ARHGEF7: variants seen among roughly 807,000 people sequenced by gnomAD.
ARHGEF7 encodes PAK-interacting exchange factor beta.
A neutral mutation model predicts 109.8 loss-of-function variants in ARHGEF7; 33 were observed. The observed-to-expected ratio is 0.30, with a 90% confidence interval of 0.23 to 0.40. The LOEUF is 0.40. ARHGEF7 is among the 10% of genes least tolerant of loss of function. ARHGEF7 has a pLI of 1.00. For missense variants in ARHGEF7, 938 were observed against 1,098.5 expected (o/e 0.85, Z 2.07); for synonymous variants, 458 against 424.6 (o/e 1.08, Z -0.97).
At position 111,258,753 on chromosome 13, in the gene ARHGEF7, G is replaced by T. The variant is rs1473780361; in HGVS notation, c.951-8795G>T. 6.6e-6 allele frequency among the ~76,000 whole-genome samples: 1 copy of T among 152,166 alleles called. No homozygotes were observed. Among genetic ancestry groups the T allele is most frequent in the African/African-American group, 2.4e-5 (1 of 41,420 alleles). ...TAGGTATCTGCCCAGCCACAGTGAG[G>T]TGGAACATCAAGTGGGCTCTTGGGA... On this transcript the variant is annotated intron_variant, in intron 8 of 21. Coordinates refer to ENST00000646102, the MANE Select transcript of ARHGEF7 (RefSeq NM_001354046.2). This position sits in a 1 kb window ranked among gnomAD's most constrained non-coding sequence, Gnocchi z 4.4.
chr13:111,131,328 G>T lies in ARHGEF7; in HGVS notation c.165+15637G>T, dbSNP rs1024840769. On this transcript the variant is annotated intron_variant, in intron 1 of 21. Coordinates refer to ENST00000646102, the MANE Select transcript of ARHGEF7 (RefSeq NM_001354046.2). This position sits in a 1 kb window ranked among gnomAD's most constrained non-coding sequence, Gnocchi z 4.4. The stretch of plus-strand genomic sequence containing the variant: ...TCCTGGGTTTCTGGTTGCACAACAG[G>T]ATAGATGGGGCGGTCGCCTGTGCTG... Among the ~76,000 whole-genome samples, 1 of 152,056 alleles carries T rather than the reference G, an allele frequency of 6.6e-6. No homozygotes were observed. The highest frequency in any genetic ancestry group is 2.4e-5 in the African/African-American group (1 of 41,404).
intron 1 of ARHGEF7, among the ~76,000 whole-genome samples, chr13:111,129,847 C>T (rs2074647886): frequency 6.6e-6 from 1 of 152,168 alleles, no homozygotes; most frequent in South Asian, 2.1e-4. Flanking sequence ...ATACATCTAC[C>T]AAATGTTTCA....
intron 6 of ARHGEF7, 96 bp downstream of exon 6, chr13:111,233,389 G>T: frequency 2.0e-6 from 2 of 997,788 alleles, no homozygotes; most frequent in Non-Finnish European, 1.6e-6. Flanking sequence ...AGAATAGGAA[G>T]AAGGAAATAA....
intron 19 of ARHGEF7, chr13:111,295,200 G>A (rs1448129093): frequency 1.0e-6 from 1 of 985,590 alleles, no homozygotes; most frequent in Non-Finnish European, 1.2e-6. Context: ...CTAGCCCGTG[G>A]CTTTTAATAT....
At chr13:111,128,886 A>G (rs952557836) in intron 1 of ARHGEF7, among the ~76,000 whole-genome samples, 1 of 152,358 alleles carries the variant, frequency 6.6e-6, no homozygotes, top group East Asian at 1.9e-4. Flanking sequence ...AATGATTCTA[A>G]AGTGTCTATG....
rs1567063283 is a variant in ARHGEF7 at position 111,280,563 on chromosome 13, G to A, written c.1611G>A (p.Val537=). The stretch of plus-strand genomic sequence containing the variant: ...GGAGCATGATTGAGCGGATATTAGT[G>A]TCGTGCAACAACCAGCAGGATCTGC... ...ISGSMIERIL[V]SCNNQQDLQE... is the part of the protein sequence containing the mutation. The change falls in exon 15 of 22, where the codon GTG becomes GTA. Residue 537 remains valine (V), a synonymous_variant. Transcript: ENST00000646102. 2 of 1,610,318 alleles carry A rather than the reference G, an allele frequency of 1.2e-6. No homozygotes were observed. The highest frequency in any genetic ancestry group is 1.7e-6 in the Non-Finnish European group (2 of 1,178,632).
intron 2 of ARHGEF7, among the ~76,000 whole-genome samples, chr13:111,201,137 C>T (rs2081169469): frequency 6.6e-6 from 1 of 152,134 alleles, no homozygotes; most frequent in African/African-American, 2.4e-5. Flanking sequence ...TGTCCAAATC[C>T]CCATCGTCCC....
At chr13:111,220,196 G>A (rs2083648295) in intron 5 of ARHGEF7, among the ~76,000 whole-genome samples, 1 of 152,252 alleles carries the variant, frequency 6.6e-6, no homozygotes, top group South Asian at 2.1e-4. Context: ...GGTGGCGCCA[G>A]TGGACTTTCC....
chr13:111,147,349 T>G (rs1364243994), intron 1 of ARHGEF7, among the ~76,000 whole-genome samples: 1 of 152,220 alleles, frequency 6.6e-6, no homozygotes, highest in African/African-American at 2.4e-5. Context: ...TTGCCAACAC[T>G]TGATATATTG....
intron 1 of ARHGEF7, among the ~76,000 whole-genome samples, chr13:111,140,372 A>G (rs1462021438): frequency 6.6e-6 from 1 of 152,234 alleles, no homozygotes; most frequent in Non-Finnish European, 1.5e-5. Flanking sequence ...GCCAGCACCT[A>G]GGGCGGTGGT....
intron 1 of ARHGEF7, among the ~76,000 whole-genome samples, chr13:111,139,945 A>G (rs1481413643): frequency 6.6e-6 from 1 of 152,202 alleles, no homozygotes; most frequent in Non-Finnish European, 1.5e-5. Flanking sequence ...ACAATCTTTC[A>G]TTTGTCTCTC....
At chr13:111,215,671 C>T (rs2083039664) in intron 4 of ARHGEF7, among the ~76,000 whole-genome samples, 1 of 152,204 alleles carries the variant, frequency 6.6e-6, no homozygotes, top group African/African-American at 2.4e-5. Flanking sequence ...GTATGTTTTG[C>T]AGGTTGCAGA....
At chr13:111,187,424 G>T (rs535929451) in intron 2 of ARHGEF7, among the ~76,000 whole-genome samples, 2 of 152,328 alleles carry the variant, frequency 1.3e-5, no homozygotes, top group African/African-American at 4.8e-5. Flanking sequence ...AGGAAAGAGA[G>T]CGGAGAAAGC....
chr13:111,200,584 G>C (rs2081105645), intron 2 of ARHGEF7, among the ~76,000 whole-genome samples: 2 of 152,090 alleles, frequency 1.3e-5, no homozygotes. Flanking sequence ...CAGCTGTGTG[G>C]AGACTTATCC....
At chr13:111,155,765 TA>T (rs1566649599) in intron 2 of ARHGEF7, among the ~76,000 whole-genome samples, 1 of 152,214 alleles carries the variant, frequency 6.6e-6, no homozygotes, top group African/African-American at 2.4e-5. Flanking sequence ...TAAAACTTTT[TA>T]AAAAAGTTTT....
intron 2 of ARHGEF7, among the ~76,000 whole-genome samples, chr13:111,156,385 TA>T (rs1196617923): frequency 3.9e-5 from 6 of 152,220 alleles, no homozygotes; most frequent in Non-Finnish European, 7.3e-5. Flanking sequence ...TTTTAAAGAG[TA>T]AATATCTCTT....
At chr13:111,221,225 ATC>A (rs1314897555) in intron 5 of ARHGEF7, among the ~76,000 whole-genome samples, 2 of 58,880 alleles carry the variant, frequency 3.4e-5, no homozygotes, top group African/African-American at 1.6e-4. Context: ...GTCTATATAT[ATC>A]TATATAGATA....
chr13:111,138,502 C>T (rs1206135898), intron 1 of ARHGEF7, among the ~76,000 whole-genome samples: 2 of 152,062 alleles, frequency 1.3e-5, no homozygotes, highest in African/African-American at 4.8e-5. Context: ...CCAAAAAACA[C>T]AGCTGGGCGA....
chr13:111,250,973 G>C (rs1002963795), intron 8 of ARHGEF7, among the ~76,000 whole-genome samples: 8 of 152,184 alleles, frequency 5.3e-5, no homozygotes, highest in Admixed American at 3.3e-4. Flanking sequence ...TCTAATGTAG[G>C]CTCTGTTAGG....
Sources: allele counts gnomAD v4.1 joint callset (sites outside exome capture counted in the v4.1 genomes callset), GRCh38; gene constraint gnomAD v4.1.1; non-coding constraint Gnocchi (gnomAD v3.1); transcripts MANE v1.5; gene names NCBI Gene and HGNC (gene_info 2026-07-23, HGNC 2026-07-21).